AKAP19: variants seen among roughly 807,000 people sequenced by gnomAD.
AKAP19 encodes the protein A-kinase anchoring protein 19, also known as small A-kinase anchoring protein.
chr2:190,028,806 A>G, the AKAP19 span, among the ~76,000 whole-genome samples: 1 of 152,212 alleles, frequency 6.6e-6, no homozygotes, highest in African/African-American at 2.4e-5. Flanking sequence ...GAAAAAACCT[A>G]TATATCTTTT....
At chr2:190,193,230 TTA>T in the AKAP19 span, among the ~76,000 whole-genome samples, 2 of 152,120 alleles carry the variant, frequency 1.3e-5, no homozygotes, top group South Asian at 4.1e-4. Flanking sequence ...CTGATTTTTT[TTA>T]TGTTAATATA....
At chr2:190,135,408 C>T in the AKAP19 span, among the ~76,000 whole-genome samples, 1 of 152,164 alleles carries the variant, frequency 6.6e-6, no homozygotes, top group African/African-American at 2.4e-5. Flanking sequence ...AGGATCTCTG[C>T]GTGATTTATA....
chr2:190,172,254 G>T, the AKAP19 span, among the ~76,000 whole-genome samples: 1 of 151,940 alleles, frequency 6.6e-6, no homozygotes, highest in Non-Finnish European at 1.5e-5. Context: ...CCTGTTATTT[G>T]CATTTTACAG....
At chr2:190,099,377 G>A in the AKAP19 span, among the ~76,000 whole-genome samples, 7 of 152,152 alleles carry the variant, frequency 4.6e-5, no homozygotes, top group Non-Finnish European at 8.8e-5. Context: ...GAGGCCTGAA[G>A]AGAAGGAGAG....
the AKAP19 span, among the ~76,000 whole-genome samples, chr2:190,048,021 T>C: frequency 6.6e-6 from 1 of 152,122 alleles, no homozygotes; most frequent in Non-Finnish European, 1.5e-5. Context: ...ATGAAATAAA[T>C]GGATGAATAT....
At chr2:189,971,385 G>A in the AKAP19 span, among the ~76,000 whole-genome samples, 2 of 152,136 alleles carry the variant, frequency 1.3e-5, no homozygotes, top group Admixed American at 1.3e-4. Context: ...GTCTATCATT[G>A]ATGGACATTT....
the AKAP19 span, among the ~76,000 whole-genome samples, chr2:190,026,721 G>C: frequency 6.6e-6 from 1 of 152,188 alleles, no homozygotes; most frequent in African/African-American, 2.4e-5. Flanking sequence ...ACTACTCCCA[G>C]TAGTTCTAGG....
chr2:189,929,775 G>A, the AKAP19 span, among the ~76,000 whole-genome samples: 3 of 151,792 alleles, frequency 2.0e-5, no homozygotes, highest in Admixed American at 6.5e-5. Flanking sequence ...AAAAATAACT[G>A]TGCAAACAAG....
At chr2:189,993,801 G>C in the AKAP19 span, among the ~76,000 whole-genome samples, 1 of 152,080 alleles carries the variant, frequency 6.6e-6, no homozygotes. Context: ...ACATAAAGGT[G>C]TTCATAGTGG....
the AKAP19 span, among the ~76,000 whole-genome samples, chr2:189,943,701 G>T: frequency 6.6e-6 from 1 of 152,238 alleles, no homozygotes; most frequent in Non-Finnish European, 1.5e-5. Context: ...CATGGGGGCT[G>T]AACCCTGCAA....
the AKAP19 span, among the ~76,000 whole-genome samples, chr2:190,017,622 A>G: frequency 6.6e-6 from 1 of 152,076 alleles, no homozygotes; most frequent in African/African-American, 2.4e-5. Flanking sequence ...TTGACAATTT[A>G]TTTTAGCTAT....
chr2:189,887,301 C>G, the AKAP19 span, among the ~76,000 whole-genome samples: 4 of 152,174 alleles, frequency 2.6e-5, no homozygotes, highest in Non-Finnish European at 5.9e-5. Flanking sequence ...CTGCAAAGAC[C>G]ATTAACTCAT....
chr2:190,159,694 C>T, the AKAP19 span, among the ~76,000 whole-genome samples: 1 of 152,278 alleles, frequency 6.6e-6, no homozygotes, highest in Admixed American at 6.5e-5. Flanking sequence ...TTGCCAGTAG[C>T]TCTGTGATCT....
chr2:189,986,986 C>A, the AKAP19 span, among the ~76,000 whole-genome samples: 1 of 152,050 alleles, frequency 6.6e-6, no homozygotes, highest in Non-Finnish European at 1.5e-5. Flanking sequence ...GCTTAGAAAA[C>A]ATGTCCAAAA....
chr2:190,005,339 A>C, the AKAP19 span, among the ~76,000 whole-genome samples: 1 of 152,128 alleles, frequency 6.6e-6, no homozygotes, highest in Admixed American at 6.5e-5. Context: ...TCCATTTTAC[A>C]GTGTGCTGAT....
At chr2:189,923,555 A>G in the AKAP19 span, 2,859 of 1,613,952 alleles carry the variant, frequency 1.8e-3, 29 homozygotes, top group African/African-American at 0.027. Context: ...GGATGGCAGA[A>G]TGATTGCTGG....
the AKAP19 span, among the ~76,000 whole-genome samples, chr2:190,059,201 A>G: frequency 5.9e-5 from 9 of 151,980 alleles, no homozygotes; most frequent in East Asian, 1.7e-3. Flanking sequence ...ATATCAATAG[A>G]TGAACGTAAA....
the AKAP19 span, among the ~76,000 whole-genome samples, chr2:189,900,518 T>C: frequency 1.3e-5 from 2 of 152,248 alleles, no homozygotes; most frequent in African/African-American, 4.8e-5. Flanking sequence ...AATATGCATT[T>C]CTTTGATTAC....
the AKAP19 span, among the ~76,000 whole-genome samples, chr2:189,893,613 G>C: frequency 4.6e-5 from 7 of 152,228 alleles, no homozygotes; most frequent in African/African-American, 1.7e-4. Flanking sequence ...GAAATCACCT[G>C]CCTTCTGTGT....
Sources: gnomAD v4.1 joint callset for allele counts (sites outside exome capture counted in the v4.1 genomes callset) on GRCh38, gnomAD v4.1.1 for gene constraint, MANE v1.5 for transcripts, NCBI Gene and HGNC (gene_info 2026-07-23, HGNC 2026-07-21) for gene names.